Variants in DLEU7 observed in about 807,000 individuals in gnomAD.
The protein encoded by DLEU7 is leukemia-associated protein 7.
Under a neutral mutation model 16.0 loss-of-function variants are expected in DLEU7, and 17 were observed. The ratio of observed to expected loss-of-function variants is 1.06; its 90% confidence interval spans 0.73 to 1.59. The LOEUF (loss-of-function observed/expected upper bound fraction) is 1.59. Ranked by LOEUF, DLEU7 falls within the 40% of genes most tolerant of loss-of-function variation. The pLI, the probability that DLEU7 is intolerant of heterozygous loss-of-function variation, is 0.00. For synonymous variants in DLEU7, 113 were observed against 139.8 expected (o/e 0.81, Z 1.35); for missense variants, 308 against 314.9 (o/e 0.98, Z 0.17).
At chr13:50,841,756 A>G (rs1877669209) in intron 1 of DLEU7, among the ~76,000 whole-genome samples, 1 of 145,192 alleles carries the variant, frequency 6.9e-6, no homozygotes, top group Non-Finnish European at 1.5e-5. Flanking sequence ...AAAAAAAAAA[A>G]TCCCTTAAAT....
intron 1 of DLEU7, among the ~76,000 whole-genome samples, chr13:50,751,999 T>C (rs1359311760): frequency 2.0e-5 from 3 of 152,088 alleles, no homozygotes; most frequent in Non-Finnish European, 4.4e-5. Flanking sequence ...GGTTTGTTCT[T>C]GTTTCTCTAG....
At chr13:50,784,312 G>A (rs1875740541) in intron 1 of DLEU7, among the ~76,000 whole-genome samples, 1 of 152,144 alleles carries the variant, frequency 6.6e-6, no homozygotes, top group African/African-American at 2.4e-5. Context: ...CTCCTTAGAG[G>A]CCCATAAAAA....
At chr13:50,734,070 ACTGT>A (rs1445375098) in intron 1 of DLEU7, among the ~76,000 whole-genome samples, 3 of 152,174 alleles carry the variant, frequency 2.0e-5, no homozygotes, top group African/African-American at 7.2e-5. Context: ...GCTGTCTGTC[ACTGT>A]CTGGAAGTTC....
rs1877753170 is a variant in DLEU7, at chr13:50,843,468, C to A, written c.179G>T (p.Arg60Leu). Residue 60 changes from arginine to leucine, a missense_variant, in exon 1 of 2, where the codon CGG becomes CTG. Coordinates refer to ENST00000504404, the MANE Select transcript of DLEU7 (RefSeq NM_001306135.2). This position sits in a 1 kb window ranked among gnomAD's most constrained non-coding sequence, Gnocchi z 5.7. Reference protein sequence around the residue: ...PARRSGPPRARPGPGREERGG... With the variant: ...PARRSGPPRALPGPGREERGG... ...CCGCTCCTCGCGCCCGGGCCCCGGC[C>A]GGGCCCGCGGCGGGCCTGAGCGACG... The A allele has an allele frequency of 4.5e-6, 6 of 1,327,968 alleles. No individual in the cohort carries two copies. Among genetic ancestry groups the A allele is most frequent in the Non-Finnish European group, 3.8e-6 (4 of 1,046,850 alleles). The allele number at this position is 1,327,968 out of a possible 1,614,324, so 82.3% of individuals were successfully genotyped here. A position where few individuals can be genotyped will look rare whatever the true frequency, so the allele number is the denominator to read the frequency against.
chr13:50,822,409 A>G (rs368024814), downstream of DLEU7, among the ~76,000 whole-genome samples: 1 of 152,142 alleles, frequency 6.6e-6, no homozygotes, highest in African/African-American at 2.4e-5. Context: ...TAAGGGAAAA[A>G]ATAGCATTTT....
intron 1 of DLEU7, among the ~76,000 whole-genome samples, chr13:50,744,968 G>T (rs907019746): frequency 5.9e-5 from 9 of 152,142 alleles, no homozygotes; most frequent in African/African-American, 2.2e-4. Flanking sequence ...ACTGATGATG[G>T]AAATGTAAAA....
chr13:50,772,175 G>A (rs1278665335), intron 1 of DLEU7, among the ~76,000 whole-genome samples: 2 of 152,036 alleles, frequency 1.3e-5, no homozygotes, highest in Non-Finnish European at 2.9e-5. Context: ...ACATGAGATG[G>A]GTCTCCTAAA....
chr13:50,787,780 C>T (rs924020367), intron 1 of DLEU7, among the ~76,000 whole-genome samples: 2 of 152,026 alleles, frequency 1.3e-5, no homozygotes, highest in African/African-American at 2.4e-5. Flanking sequence ...CATCTATCCC[C>T]ACAGACCAGT....
intron 1 of DLEU7, among the ~76,000 whole-genome samples, chr13:50,735,595 ATAT>A (rs1199181286): frequency 6.6e-6 from 1 of 152,022 alleles, no homozygotes; most frequent in Non-Finnish European, 1.5e-5. Context: ...AAAAATGAAA[ATAT>A]TATAAACTAT....
In DLEU7 at chr13:50,726,517, C is replaced by T. The variant is rs1470699294; in HGVS notation, c.460-13277G>A. On this transcript the variant is annotated intron_variant, in intron 1 of 1. Transcript: ENST00000400393. The surrounding 1 kb of genome is among the most constrained non-coding windows in gnomAD (Gnocchi z 4.0). The stretch of plus-strand genomic sequence containing the variant: ...CACAAGGGTTTAAATTAAGGGTAAA[C>T]GTTGCATTTTCAAATCACAAAAGTT... 6.6e-6 allele frequency among the ~76,000 whole-genome samples: 1 copy of T among 152,112 alleles called. No individual in the cohort carries two copies. Among genetic ancestry groups the T allele is most frequent in the Non-Finnish European group, 1.5e-5 (1 of 68,026 alleles).
intron 1 of DLEU7, among the ~76,000 whole-genome samples, chr13:50,838,439 C>T (rs1041148009): frequency 3.9e-5 from 6 of 152,220 alleles, no homozygotes; most frequent in Admixed American, 2.0e-4. Context: ...AGAGTAACTT[C>T]GTAATTGGCT....
intron 1 of DLEU7, among the ~76,000 whole-genome samples, chr13:50,767,019 G>A (rs1225649411): frequency 1.3e-5 from 2 of 152,244 alleles, no homozygotes; most frequent in East Asian, 3.9e-4. Flanking sequence ...CTTAGACGTT[G>A]CTAGTTTCCA....
At chr13:50,773,535 G>A (rs1875393909) in intron 1 of DLEU7, among the ~76,000 whole-genome samples, 1 of 152,192 alleles carries the variant, frequency 6.6e-6, no homozygotes, top group Non-Finnish European at 1.5e-5. Context: ...TCCCTCAACT[G>A]CAGGTCTGTT....
At chr13:50,822,842 A>G, downstream of DLEU7, 1 of 987,114 alleles carries the variant, frequency 1.0e-6, no homozygotes, top group South Asian at 4.7e-5. Context: ...GTTCTTATAA[A>G]AGGAAGTGTC....
chr13:50,769,604 C>G (rs9596347), intron 1 of DLEU7, among the ~76,000 whole-genome samples: 1 of 151,818 alleles, frequency 6.6e-6, no homozygotes, highest in African/African-American at 2.4e-5. Context: ...TTGTATATGC[C>G]GGTGTTATTT....
intron 1 of DLEU7, among the ~76,000 whole-genome samples, chr13:50,803,488 C>G (rs1415745466): frequency 6.6e-6 from 1 of 152,016 alleles, no homozygotes; most frequent in Non-Finnish European, 1.5e-5. Flanking sequence ...TAGCCACCAG[C>G]CCCATGTGGC....
chr13:50,813,777 A>G (rs1021437851), intron 1 of DLEU7, among the ~76,000 whole-genome samples: 3 of 146,784 alleles, frequency 2.0e-5, no homozygotes, highest in Non-Finnish European at 3.0e-5. Context: ...TCAAATAAGC[A>G]GTATATTTTA....
rs549859393 is a variant in DLEU7, at chr13:50,782,767, G to A, written c.459+60421C>T. On this transcript the variant is annotated intron_variant, in intron 1 of 1. Coordinates refer to the DLEU7 transcript ENST00000400393. ...TGAATTCCCACCCATCATATACACT[G>A]TCTACAGAAAAAAAAAAAAAAAACT... Among the ~76,000 whole-genome samples the A allele has an allele frequency of 4.5e-3, 579 of 129,098 alleles. 3 individuals are homozygous for A. Among genetic ancestry groups the A allele is most frequent in the African/African-American group, 0.016 (551 of 34,214 alleles). 84.7% of individuals were successfully genotyped at this position (129,098 alleles called of 152,430 possible).
At position 50,720,755 on chromosome 13, in the gene DLEU7, G is replaced by A. The variant is rs532360485; in HGVS notation, c.460-7515C>T. 4.6e-5 allele frequency among the ~76,000 whole-genome samples: 7 copies of A among 152,142 alleles called. No homozygotes were observed. In the South Asian group the frequency reaches 1.5e-3, roughly 32 times the overall value. On this transcript the variant is annotated intron_variant, in intron 1 of 1. Coordinates refer to the DLEU7 transcript ENST00000400393. The stretch of plus-strand genomic sequence containing the variant: ...GACATGATAAACTTTTTAAGATGAA[G>A]AAAAGTAACTCCCTAAAATTATAGA...
Sources: gnomAD v4.1 joint callset for allele counts (sites outside exome capture counted in the v4.1 genomes callset) on GRCh38, gnomAD v4.1.1 for gene constraint, Gnocchi (gnomAD v3.1) non-coding constraint, MANE v1.5 for transcripts, NCBI Gene and HGNC (gene_info 2026-07-23, HGNC 2026-07-21) for gene names.